The following FILIP1L variants were observed in gnomAD, a reference collection of about 807,000 sequenced individuals.
The protein encoded by FILIP1L is filamin A-interacting protein 1-like.
A neutral mutation model predicts 96.6 loss-of-function variants in FILIP1L; 55 were observed. The observed-to-expected ratio is 0.57, with a 90% CI of 0.46 to 0.71. FILIP1L has a LOEUF of 0.71. FILIP1L is among the 30% of genes least tolerant of loss of function. The pLI is 0.00. For missense variants in FILIP1L, 1,304 were observed against 1,321.2 expected, an observed-to-expected ratio of 0.99 and a Z score of 0.20; for synonymous variants, 467 against 473.9, an observed-to-expected ratio of 0.99 and a Z score of 0.19.
chr3:99,955,989 A>AGT (rs1449933169), intron 1 of FILIP1L, among the ~76,000 whole-genome samples: 1 of 152,164 alleles, frequency 6.6e-6, no homozygotes, highest in African/African-American at 2.4e-5. Context: ...TTGACCTTGG[A>AGT]GTCCTTGGCT....
chr3:99,981,242 C>G (rs1709114300), intron 1 of FILIP1L, among the ~76,000 whole-genome samples: 1 of 152,118 alleles, frequency 6.6e-6, no homozygotes, highest in Non-Finnish European at 1.5e-5. Context: ...CTTCCACTAC[C>G]CCAATGCTAA....
At chr3:99,905,862 T>C (rs1706598805) in intron 4 of FILIP1L, among the ~76,000 whole-genome samples, 1 of 152,252 alleles carries the variant, frequency 6.6e-6, no homozygotes, top group South Asian at 2.1e-4. Flanking sequence ...CAAACTCTAG[T>C]TGCTTCACTT....
At chr3:99,999,151 G>T (rs140424346) in intron 1 of FILIP1L, among the ~76,000 whole-genome samples, 352 of 152,124 alleles carry the variant, frequency 2.3e-3, no homozygotes, top group Middle Eastern at 0.01. Flanking sequence ...TGTATTTAGT[G>T]TTGAAGATAC....
Position 99,850,686 on chromosome 3 carries a change from G to A in FILIP1L, c.990C>T (p.Leu330=), listed in dbSNP as rs769533562. The part of the protein sequence containing the change: ...NRQLQQKLAA[L]SRQIDELEET... ...CTTCTAACTCATCAATCTGCCGGCTGAGTGCTGCCAGCTTTTGTTGAAGCT... is the reference window on the plus strand; with the variant it reads ...CTTCTAACTCATCAATCTGCCGGCTAAGTGCTGCCAGCTTTTGTTGAAGCT... The change falls in exon 5 of 6, where the codon CTC becomes CTT. Residue 330 remains leucine, a synonymous_variant. Transcript: ENST00000477258. 6.2e-7 allele frequency: 1 copy of A among 1,614,014 alleles called. No homozygotes were observed. The highest frequency in any genetic ancestry group is 1.3e-5 in the African/African-American group (1 of 74,902).
intron 1 of FILIP1L, among the ~76,000 whole-genome samples, chr3:100,033,189 A>G (rs2107266163): frequency 6.6e-6 from 1 of 152,338 alleles, no homozygotes; most frequent in East Asian, 1.9e-4. Flanking sequence ...TTAAAACCTT[A>G]GAAAAAATCA....
At chr3:99,901,237 A>G (rs1465809058) in intron 4 of FILIP1L, among the ~76,000 whole-genome samples, 1 of 152,234 alleles carries the variant, frequency 6.6e-6, no homozygotes. Context: ...GAAATAGGAT[A>G]GTACCTTCCT....
At chr3:99,876,261 G>A in intron 4 of FILIP1L, 1 of 977,776 alleles carries the variant, frequency 1.0e-6, no homozygotes, top group Non-Finnish European at 1.2e-6. Context: ...GCTGTCGGCG[G>A]GGGCGCCGGT....
chr3:99,952,228 T>C (rs1708199262), intron 1 of FILIP1L, among the ~76,000 whole-genome samples: 1 of 152,142 alleles, frequency 6.6e-6, no homozygotes, highest in Non-Finnish European at 1.5e-5. Context: ...AGATCTGATA[T>C]AGTCTCTGAT....
chr3:99,932,371 ATT>A (rs1707510572), intron 1 of FILIP1L, among the ~76,000 whole-genome samples: 1 of 152,088 alleles, frequency 6.6e-6, no homozygotes, highest in Non-Finnish European at 1.5e-5. Context: ...CCTAGATTAT[ATT>A]TTTGAGATTC....
rs182474936 is a variant in FILIP1L, at chr3:100,008,416, G to A, written c.-10-77386C>T. ...AAGATTTTCATATGAGTTGCAGCCA[G>A]GGTACCCTTCATATAAGTGTTACCA... is the stretch of plus-strand genomic sequence containing the variant. On this transcript the variant is annotated intron_variant, in intron 1 of 5. Transcript: ENST00000477258. 2.6e-3 allele frequency among the ~76,000 whole-genome samples: 393 copies of A among 152,258 alleles called. 2 individuals are homozygous for A. Among genetic ancestry groups the A allele is most frequent in the African/African-American group, 8.3e-3 (345 of 41,536 alleles).
chr3:99,840,316 C>T (rs1309139505), intron 5 of FILIP1L, among the ~76,000 whole-genome samples: 12 of 150,892 alleles, frequency 8.0e-5, no homozygotes, highest in African/African-American at 2.2e-4. Flanking sequence ...CTCTGCCTCC[C>T]GGGTTGAAGC....
rs910835871 is a variant in FILIP1L at position 99,850,775 on chromosome 3, T to C, written c.901A>G (p.Lys301Glu). 4.3e-6 allele frequency: 7 copies of C among 1,614,088 alleles called. No individual in the cohort carries two copies. In the African/African-American group the frequency reaches 5.3e-5, roughly 12 times the overall value. Residue 301 changes from lysine (K) to glutamate (E), a missense_variant, in exon 5 of 6, where the codon AAG (lysine) becomes GAG (glutamate). Transcript: ENST00000477258. ...LEKELQTQTT[K>E]FHQDQDTIMA... is the part of the protein sequence containing the mutation. Reference sequence around the variant, plus strand: ...ATTGTGTCTTGGTCTTGGTGAAACTTTGTGGTCTGCGTTTGCAGTTCCTTC... The same window carrying C: ...ATTGTGTCTTGGTCTTGGTGAAACTCTGTGGTCTGCGTTTGCAGTTCCTTC...
intron 4 of FILIP1L, among the ~76,000 whole-genome samples, chr3:99,917,217 TCTC>T (rs2107646178): frequency 6.6e-6 from 1 of 152,330 alleles, no homozygotes; most frequent in East Asian, 1.9e-4. Flanking sequence ...CTGTGTTTAA[TCTC>T]CTTTTTGCCT....
intron 1 of FILIP1L, among the ~76,000 whole-genome samples, chr3:99,934,780 G>T (rs1266979391): frequency 1.3e-5 from 2 of 152,178 alleles, no homozygotes; most frequent in Non-Finnish European, 2.9e-5. Flanking sequence ...TAGATCATTT[G>T]CCAGTGATGA....
At chr3:100,017,175 G>A (rs944530410) in intron 1 of FILIP1L, among the ~76,000 whole-genome samples, 6 of 152,178 alleles carry the variant, frequency 3.9e-5, no homozygotes, top group African/African-American at 1.4e-4. Flanking sequence ...ATCTGATCAA[G>A]TATATGTCTG....
At chr3:99,969,389 G>A (rs1391678513) in intron 1 of FILIP1L, among the ~76,000 whole-genome samples, 1 of 152,184 alleles carries the variant, frequency 6.6e-6, no homozygotes, top group African/African-American at 2.4e-5. Flanking sequence ...GTTGAGCCAC[G>A]TTGATGGCCT....
intron 1 of FILIP1L, among the ~76,000 whole-genome samples, chr3:100,078,571 C>G (rs975721557): frequency 6.6e-6 from 1 of 151,928 alleles, no homozygotes; most frequent in South Asian, 2.1e-4. Flanking sequence ...TACACCAACA[C>G]TAGCGATAGC....
At chr3:100,014,644 A>T (rs1011555627) in intron 1 of FILIP1L, among the ~76,000 whole-genome samples, 3 of 152,006 alleles carry the variant, frequency 2.0e-5, no homozygotes, top group African/African-American at 7.2e-5. Flanking sequence ...TCTTCTTTTG[A>T]GAAATGTCTT....
At chr3:99,904,799 T>A (rs182353923) in intron 4 of FILIP1L, among the ~76,000 whole-genome samples, 9 of 152,298 alleles carry the variant, frequency 5.9e-5, no homozygotes. Context: ...CAATCTCAGT[T>A]GGCTTTTCCC....
Sources: gnomAD v4.1 joint callset for allele counts (sites outside exome capture counted in the v4.1 genomes callset) on GRCh38, gnomAD v4.1.1 for gene constraint, MANE v1.5 for transcripts, NCBI Gene and HGNC (gene_info 2026-07-23, HGNC 2026-07-21) for gene names.